Variants in NELL1 observed in about 807,000 individuals in gnomAD.
NELL1 encodes neural EGFL like 1.
A neutral mutation model predicts 107.4 loss-of-function variants in NELL1; 76 were observed. The ratio of observed to expected loss-of-function variants is 0.71; its 90% confidence interval spans 0.59 to 0.86. The LOEUF is 0.86. NELL1 is among the 40% of genes least tolerant of loss of function. NELL1 has a pLI of 0.00. For missense variants in NELL1, 1,024 were observed against 1,005.5 expected, an observed-to-expected ratio of 1.02 and a Z score of -0.25; for synonymous variants, 353 against 341.2, an observed-to-expected ratio of 1.03 and a Z score of -0.38.
chr11:20,962,070 T>A (rs1265850161), intron 12 of NELL1, among the ~76,000 whole-genome samples: 2 of 151,948 alleles, frequency 1.3e-5, no homozygotes, highest in African/African-American at 4.8e-5. Flanking sequence ...TTTTCACTGT[T>A]TTTTTGGCTT....
intron 13 of NELL1, among the ~76,000 whole-genome samples, chr11:21,224,478 C>T (rs11824580): frequency 0.075 from 11,435 of 151,804 alleles, 449 homozygotes; most frequent in Middle Eastern, 0.13. Flanking sequence ...GTCTCAGCCT[C>T]CCAAAGTGCT....
intron 10 of NELL1, 84 bp downstream of exon 10, chr11:20,937,943 G>T: frequency 7.6e-7 from 1 of 1,310,928 alleles, no homozygotes. Flanking sequence ...CTTGAGTGGG[G>T]CATATTGGCC....
intron 13 of NELL1, among the ~76,000 whole-genome samples, chr11:21,167,704 G>GTTCA (rs1856516698): frequency 6.6e-6 from 1 of 151,740 alleles, no homozygotes; most frequent in Non-Finnish European, 1.5e-5. Flanking sequence ...CAGTTATGTT[G>GTTCA]GTCTTCTTTT....
chr11:21,416,050 G>A (rs1197493521), intron 15 of NELL1, among the ~76,000 whole-genome samples: 1 of 151,938 alleles, frequency 6.6e-6, no homozygotes, highest in Non-Finnish European at 1.5e-5. Context: ...TTGGTCTCCT[G>A]GAGGCCCTGC....
chr11:21,216,168 T>A (rs1209179039), intron 13 of NELL1, among the ~76,000 whole-genome samples: 2 of 152,164 alleles, frequency 1.3e-5, no homozygotes, highest in Non-Finnish European at 2.9e-5. Context: ...AGCTTCCATG[T>A]AGTGTTAAGC....
chr11:21,022,160 A>T (rs1477154423), intron 12 of NELL1, among the ~76,000 whole-genome samples: 1 of 152,108 alleles, frequency 6.6e-6, no homozygotes, highest in Non-Finnish European at 1.5e-5. Flanking sequence ...TGCTTCATGT[A>T]TATGGAAAAG....
chr11:21,356,665 T>C (rs1362794074), intron 14 of NELL1, among the ~76,000 whole-genome samples: 1 of 152,206 alleles, frequency 6.6e-6, no homozygotes, highest in Non-Finnish European at 1.5e-5. Flanking sequence ...AATTAATTTG[T>C]TTATTAAAAT....
At chr11:20,803,929 C>T (rs1857329900) in intron 3 of NELL1, among the ~76,000 whole-genome samples, 1 of 152,178 alleles carries the variant, frequency 6.6e-6, no homozygotes, top group Non-Finnish European at 1.5e-5. Flanking sequence ...TTCTCTTGTG[C>T]TGGATGCTTC....
Position 21,229,941 on chromosome 11 carries a change from T to A in NELL1, c.1549+487T>A, listed in dbSNP as rs182797309. Reference sequence around the variant, plus strand: ...AGAATAAAAATAAAATTCCTCCTTCTGGCTTATGAGGGCATTCAGCATCTG... The same window carrying A: ...AGAATAAAAATAAAATTCCTCCTTCAGGCTTATGAGGGCATTCAGCATCTG... On this transcript the variant is annotated intron_variant, in intron 14 of 19. Coordinates refer to ENST00000357134, the MANE Select transcript of NELL1 (RefSeq NM_006157.5). Among the ~76,000 whole-genome samples, 4 of 152,294 alleles carry A rather than the reference T, an allele frequency of 2.6e-5. No individual in the cohort carries two copies. The East Asian group carries it at 7.8e-4, about 30-fold the overall frequency.
intron 12 of NELL1, among the ~76,000 whole-genome samples, chr11:21,096,807 T>G (rs920737367): frequency 6.6e-6 from 1 of 152,138 alleles, no homozygotes; most frequent in Non-Finnish European, 1.5e-5. Flanking sequence ...CTTGACCTCC[T>G]GTAAGTGATT....
intron 14 of NELL1, among the ~76,000 whole-genome samples, chr11:21,302,555 ACCTATAATATTATTATTTTGGCTTCTG>A (rs1849516072): frequency 1.3e-5 from 2 of 152,168 alleles, no homozygotes; most frequent in South Asian, 4.1e-4. Flanking sequence ...ACCAACCCAT[ACCTATAATATTATTATTTTGGCTTCTG>A]CCTTTAGATA....
intron 12 of NELL1, among the ~76,000 whole-genome samples, chr11:20,967,218 C>A (rs1851404063): frequency 6.6e-6 from 1 of 151,980 alleles, no homozygotes; most frequent in African/African-American, 2.4e-5. Flanking sequence ...CACAGAGACT[C>A]GTGTGAATGA....
chr11:21,167,288 T>G (rs1236853301), intron 13 of NELL1, among the ~76,000 whole-genome samples: 1 of 151,846 alleles, frequency 6.6e-6, no homozygotes, highest in Admixed American at 6.5e-5. Context: ...CAAGAGAGAC[T>G]CTTCTCCTGG....
chr11:21,306,354 T>C (rs1006306403), intron 14 of NELL1, among the ~76,000 whole-genome samples: 3 of 151,968 alleles, frequency 2.0e-5, no homozygotes, highest in African/African-American at 7.2e-5. Flanking sequence ...CAATAAATCA[T>C]GTTAGAAAGT....
At chr11:21,106,941 C>T (rs7124660) in intron 12 of NELL1, among the ~76,000 whole-genome samples, 1 of 152,012 alleles carries the variant, frequency 6.6e-6, no homozygotes, top group Non-Finnish European at 1.5e-5. Flanking sequence ...ACTTTCTCAT[C>T]TGAAAAAGGG....
chr11:21,318,431 C>A (rs1849928237), intron 14 of NELL1, among the ~76,000 whole-genome samples: 1 of 152,138 alleles, frequency 6.6e-6, no homozygotes, highest in Admixed American at 6.5e-5. Context: ...TTTCTAGGGG[C>A]TTCTCCATCT....
At chr11:21,109,880 A>G (rs550294612) in intron 12 of NELL1, among the ~76,000 whole-genome samples, 2 of 152,248 alleles carry the variant, frequency 1.3e-5, no homozygotes, top group East Asian at 1.9e-4. Context: ...CTTGAATCCT[A>G]TTGAAACTGT....
intron 16 of NELL1, among the ~76,000 whole-genome samples, chr11:21,553,863 G>A (rs530274217): frequency 4.3e-4 from 65 of 151,964 alleles, no homozygotes; most frequent in African/African-American, 1.6e-3. Flanking sequence ...TACAGGGAAA[G>A]TAATTCTTTT....
chr11:21,402,875 A>C (rs986287364), intron 15 of NELL1, among the ~76,000 whole-genome samples: 2 of 151,728 alleles, frequency 1.3e-5, no homozygotes, highest in Non-Finnish European at 2.9e-5. Context: ...TAGCCCTGAA[A>C]CAGAGCTGAA....
Sources: allele counts gnomAD v4.1 joint callset (sites outside exome capture counted in the v4.1 genomes callset), GRCh38; gene constraint gnomAD v4.1.1; transcripts MANE v1.5; gene names NCBI Gene and HGNC (gene_info 2026-07-23, HGNC 2026-07-21).